Variants in PDE1A observed in about 807,000 individuals in gnomAD.
The protein encoded by PDE1A is dual specificity calcium/calmodulin-dependent 3',5'-cyclic nucleotide phosphodiesterase 1A.
Under a neutral mutation model 61.7 loss-of-function variants are expected in PDE1A, and 35 were observed. The ratio of observed to expected loss-of-function variants is 0.57; its 90% CI spans 0.43 to 0.75. The LOEUF (loss-of-function observed/expected upper bound fraction) is 0.75. Among genes scored for constraint, PDE1A ranks in the 30% least tolerant of loss-of-function variants. PDE1A has a pLI of 0.00. For synonymous variants in PDE1A, 232 were observed against 213.2 expected (o/e 1.09, Z -0.77); for missense variants, 597 against 630.6 (o/e 0.95, Z 0.57).
chr2:182,561,556 T>C, the PDE1A span, among the ~76,000 whole-genome samples: 1 of 152,188 alleles, frequency 6.6e-6, no homozygotes, highest in South Asian at 2.1e-4. Context: ...TTTGGTTCCA[T>C]ATGAACTTTA....
At chr2:182,332,008 T>A (rs1697443935) in intron 1 of PDE1A, among the ~76,000 whole-genome samples, 1 of 152,226 alleles carries the variant, frequency 6.6e-6, no homozygotes, top group South Asian at 2.1e-4. Flanking sequence ...GTTTGGTCTT[T>A]TCACATAGTC....
intron 10 of PDE1A, among the ~76,000 whole-genome samples, chr2:182,197,740 C>G (rs544013226): frequency 2.0e-5 from 3 of 151,930 alleles, no homozygotes; most frequent in African/African-American, 4.8e-5. Flanking sequence ...AATCACTCCT[C>G]TATTTTAATG....
intron 1 of PDE1A, among the ~76,000 whole-genome samples, chr2:182,272,163 C>T (rs1297633159): frequency 6.6e-6 from 1 of 152,042 alleles, no homozygotes; most frequent in African/African-American, 2.4e-5. Flanking sequence ...ATAAGGAATA[C>T]AGAAGAGAAT....
At chr2:182,206,530 C>T (rs7606428) in intron 7 of PDE1A, among the ~76,000 whole-genome samples, 31,277 of 152,084 alleles carry the variant, frequency 0.21, 3,450 homozygotes, top group East Asian at 0.32. Context: ...GTTTCTCTGC[C>T]CCAAATCCCT....
At chr2:182,553,152 G>A in the PDE1A span, among the ~76,000 whole-genome samples, 29 of 152,172 alleles carry the variant, frequency 1.9e-4, no homozygotes, top group Admixed American at 1.3e-4. Flanking sequence ...AACACTCACC[G>A]CATGGCCCAA....
intron 1 of PDE1A, among the ~76,000 whole-genome samples, chr2:182,394,429 C>A (rs1311127173): frequency 6.6e-6 from 1 of 152,120 alleles, no homozygotes; most frequent in Non-Finnish European, 1.5e-5. Context: ...CCCACCAAGT[C>A]CCTCCCATGA....
intron 2 of PDE1A, among the ~76,000 whole-genome samples, chr2:182,506,233 G>T (rs149875197): frequency 6.6e-6 from 1 of 152,088 alleles, no homozygotes; most frequent in Non-Finnish European, 1.5e-5. Context: ...CAATCTGATC[G>T]AATTCTTTTT....
rs114687897 is a variant in PDE1A at position 182,219,910 on chromosome 2, A to G, written c.776+3954T>C. 3.1e-3 allele frequency among the ~76,000 whole-genome samples: 468 copies of G among 152,242 alleles called. 2 individuals are homozygous for G. Among genetic ancestry groups the G allele is most frequent in the Non-Finnish European group, 4.6e-3 (310 of 67,994 alleles). Reference sequence around the variant, plus strand: ...ATGTTATATACCATAAATGTACACAATAAAAACTATTTAATAACAACAGAG... The same window carrying G: ...ATGTTATATACCATAAATGTACACAGTAAAAACTATTTAATAACAACAGAG... On this transcript the variant is annotated intron_variant, in intron 7 of 13. Transcript: ENST00000351439.
At chr2:182,192,718 T>C (rs937583057) in intron 10 of PDE1A, among the ~76,000 whole-genome samples, 1 of 152,240 alleles carries the variant, frequency 6.6e-6, no homozygotes, top group Non-Finnish European at 1.5e-5. Context: ...ACTAGTCCCA[T>C]AGAAATGGAA....
chr2:182,562,784 G>A, the PDE1A span, among the ~76,000 whole-genome samples: 4 of 152,136 alleles, frequency 2.6e-5, no homozygotes, highest in Non-Finnish European at 5.9e-5. Flanking sequence ...TTAGTCTTGG[G>A]AGTGTGTATA....
rs914895584 is a variant in PDE1A at position 182,357,596 on chromosome 2, A to G, written c.53+68982T>C. ...AGTGTGTTTATTTATTTATTTATTT[A>G]TTGGCTATTAGGATCATTATTATTT... is the stretch of plus-strand genomic sequence containing the variant. On this transcript the variant is annotated intron_variant, in intron 1 of 13. Coordinates refer to ENST00000351439, the Ensembl canonical transcript of PDE1A. Among the ~76,000 whole-genome samples, 4 of 152,302 alleles carry G rather than the reference A, an allele frequency of 2.6e-5. No homozygotes were observed. The East Asian group carries it at 7.7e-4, about 29-fold the overall frequency.
chr2:182,421,386 T>C (rs548005280), intron 1 of PDE1A, among the ~76,000 whole-genome samples: 3 of 152,254 alleles, frequency 2.0e-5, no homozygotes, highest in Admixed American at 6.5e-5. Context: ...CCTGACTCTA[T>C]ACCCAAAATT....
At chr2:182,600,701 C>G in the PDE1A span, among the ~76,000 whole-genome samples, 29 of 152,248 alleles carry the variant, frequency 1.9e-4, no homozygotes, top group African/African-American at 6.7e-4. Flanking sequence ...ATACATGTCC[C>G]CTAAAAGAAA....
At chr2:182,492,601 A>G (rs2125887219) in intron 2 of PDE1A, among the ~76,000 whole-genome samples, 1 of 152,300 alleles carries the variant, frequency 6.6e-6, no homozygotes, top group South Asian at 2.1e-4. Flanking sequence ...ATAAATTATC[A>G]CTTTTGCCTA....
Position 182,196,701 on chromosome 2 carries a change from A to G in PDE1A, c.1125+4738T>C, listed in dbSNP as rs571390481. Reference sequence around the variant, plus strand: ...AATTTTGCCAATTTTTGAACTTCATATAAATTGGTTTATAGTATTATTTTG... The same window carrying G: ...AATTTTGCCAATTTTTGAACTTCATGTAAATTGGTTTATAGTATTATTTTG... On this transcript the variant is annotated intron_variant, in intron 10 of 13. Coordinates refer to ENST00000351439, the Ensembl canonical transcript of PDE1A. 6.0e-5 allele frequency among the ~76,000 whole-genome samples: 9 copies of G among 151,194 alleles called. No individual in the cohort carries two copies. In the South Asian group the frequency reaches 1.9e-3, roughly 31 times the overall value.
intron 2 of PDE1A, among the ~76,000 whole-genome samples, chr2:182,516,743 A>AGGAAGGAAGGAAGGAG (rs57365248): frequency 8.2e-6 from 1 of 121,704 alleles, no homozygotes; most frequent in Non-Finnish European, 1.8e-5. Context: ...GAAGGAAGGA[A>AGGAAGGAAGGAAGGAG]AAAGAGAGAA....
intron 2 of PDE1A, among the ~76,000 whole-genome samples, chr2:182,518,152 A>T (rs1318476159): frequency 1.3e-5 from 2 of 152,220 alleles, no homozygotes; most frequent in African/African-American, 4.8e-5. Context: ...TGTCTTATCT[A>T]TAATGCACCT....
At chr2:182,452,437 T>A (rs891836266) in intron 2 of PDE1A, among the ~76,000 whole-genome samples, 1 of 152,182 alleles carries the variant, frequency 6.6e-6, no homozygotes, top group Admixed American at 6.5e-5. Flanking sequence ...GCTAGAAGTC[T>A]GCTGTCCTAA....
chr2:182,263,773 T>A (rs919583967), intron 2 of PDE1A, among the ~76,000 whole-genome samples: 8 of 152,176 alleles, frequency 5.3e-5, no homozygotes, highest in Admixed American at 5.2e-4. Context: ...TAAGTCCCCC[T>A]TTCCTAATCT....
Sources: allele counts gnomAD v4.1 joint callset (sites outside exome capture counted in the v4.1 genomes callset), GRCh38; gene constraint gnomAD v4.1.1; transcripts MANE v1.5; gene names NCBI Gene and HGNC (gene_info 2026-07-23, HGNC 2026-07-21).